Variants in CEP120 observed in about 807,000 individuals in gnomAD.
The protein encoded by CEP120 is centrosomal protein of 120 kDa.
In CEP120, 113 loss-of-function variants were observed where a neutral mutation model predicts 126.5. The ratio of observed to expected loss-of-function variants is 0.89; its 90% CI spans 0.77 to 1.04. The LOEUF (loss-of-function observed/expected upper bound fraction) is 1.04. Ranked by LOEUF, CEP120 falls within the 50% of genes least tolerant of loss-of-function variation. The pLI, the probability that CEP120 is intolerant of heterozygous loss-of-function variation, is 0.00. For synonymous variants in CEP120, 400 were observed against 394.3 expected (o/e 1.01, Z -0.17); for missense variants, 1,230 against 1,155.7 (o/e 1.06, Z -0.93).
intron 18 of CEP120, among the ~76,000 whole-genome samples, chr5:123,350,513 C>T (rs1402481335): frequency 6.6e-6 from 1 of 152,192 alleles, no homozygotes; most frequent in Non-Finnish European, 1.5e-5. Context: ...TATCACAGGA[C>T]AACGGAAGTT....
intron 19 of CEP120, among the ~76,000 whole-genome samples, chr5:123,347,207 A>G (rs1439775580): frequency 1.3e-5 from 2 of 152,172 alleles, no homozygotes; most frequent in Admixed American, 6.6e-5. Context: ...ATTTTTTAAT[A>G]TCATTAAATG....
chr5:123,410,025 T>C (rs537961000), intron 4 of CEP120, among the ~76,000 whole-genome samples: 3 of 131,092 alleles, frequency 2.3e-5, no homozygotes, highest in East Asian at 2.3e-4. Context: ...CAAGTGATTA[T>C]AGCAAGGTTA....
In CEP120 at chr5:123,417,044, T is replaced by C. The variant is rs184249946; in HGVS notation, c.207-920A>G. Among the ~76,000 whole-genome samples, 275 of 152,292 alleles carry C rather than the reference T, an allele frequency of 1.8e-3. 1 individual carries two copies. The Middle Eastern group carries it at 0.02, about 11-fold the overall frequency. ...CACTGCTTTTATCTAGTGGAGTTAT[T>C]ATAGAACTGCACTTAGCACAAAATC... On this transcript the variant is annotated intron_variant, in intron 2 of 19. Transcript: ENST00000306467.
At chr5:123,389,787 ACCGTGCCCAG>A in intron 8 of CEP120, 127 bp downstream of exon 8, 1 of 726,646 alleles carries the variant, frequency 1.4e-6, no homozygotes, top group Non-Finnish European at 2.2e-6. Flanking sequence ...GGCGTGAGCC[ACCGTGCCCAG>A]CCTTATTGGT....
chr5:123,385,223 CA>C, intron 10 of CEP120, 90 bp from the exon 11 acceptor site: 2 of 1,090,150 alleles, frequency 1.8e-6, no homozygotes, highest in Non-Finnish European at 2.6e-6. Context: ...TCAATGGAGT[CA>C]AAGATGTTTT....
In CEP120 at chr5:123,423,104, G is replaced by A. The variant is rs1774830959; in HGVS notation, c.-106C>T. 1.1e-6 allele frequency: 1 copy of A among 913,934 alleles called. No individual in the cohort carries two copies. 56.6% of individuals were successfully genotyped at this position (913,934 alleles called of 1,614,324 possible). A position where few individuals can be genotyped will look rare whatever the true frequency, so the allele number is the denominator to read the frequency against. ...GGCGGGACCCCCACTGCCCGCCCCC[G>A]GTCCCTGATGCCCGGACCCCGCTCC... On this transcript the variant is annotated 5_prime_UTR_variant, in exon 1 of 20. Coordinates refer to ENST00000306467, the MANE Select transcript of CEP120 (RefSeq NM_001375405.1).
rs1398638666 is a variant in CEP120 at position 123,423,212 on chromosome 5, G to C, written c.-214C>G. On this transcript the variant is annotated 5_prime_UTR_variant, in exon 1 of 20. Transcript: ENST00000306467. ...CCAGCCCAGATCCTAACTGTGCCCC[G>C]ACTCAAGGAAAAAGCCACGCTGCAG... The C allele has an allele frequency of 1.8e-6, 1 of 570,318 alleles. No homozygotes were observed. The highest frequency in any genetic ancestry group is 1.9e-5 in the African/African-American group (1 of 52,374). 35.3% of individuals were successfully genotyped at this position (570,318 alleles called of 1,614,324 possible).
chr5:123,408,909 T>C (rs1010984992), intron 4 of CEP120, among the ~76,000 whole-genome samples: 4 of 152,118 alleles, frequency 2.6e-5, no homozygotes, highest in Non-Finnish European at 5.9e-5. Flanking sequence ...TCCATCAGTG[T>C]ATAAAAAGAA....
chr5:123,395,356 T>A (rs1050194250), intron 5 of CEP120, among the ~76,000 whole-genome samples: 6 of 152,206 alleles, frequency 3.9e-5, no homozygotes, highest in Non-Finnish European at 8.8e-5. Flanking sequence ...GCTAAGTCAC[T>A]GATTTGCATC....
At chr5:123,401,199 A>T in intron 4 of CEP120, 15 of 1,612,692 alleles carry the variant, frequency 9.3e-6, no homozygotes, top group Non-Finnish European at 1.3e-5. Context: ...GTCCAGGGCC[A>T]GCCTGACGTT....
chr5:123,398,761 T>C lies in CEP120; in HGVS notation c.612+375A>G, dbSNP rs372745059. 9.9e-5 allele frequency among the ~76,000 whole-genome samples: 15 copies of C among 152,212 alleles called. No homozygotes were observed. The East Asian group carries it at 2.9e-3, about 29-fold the overall frequency. ...AGATAAAATAGAACCCAAAACTCTA[T>C]AGGCATTAAGTATTAGTGGCAGAAA... On this transcript the variant is annotated intron_variant, in intron 5 of 19. Coordinates refer to ENST00000306467, the MANE Select transcript of CEP120 (RefSeq NM_001375405.1).
intron 13 of CEP120, 145 bp downstream of exon 13, chr5:123,382,592 A>T: frequency 1.4e-6 from 1 of 721,252 alleles, no homozygotes; most frequent in East Asian, 3.0e-5. Flanking sequence ...TTTGATTCTC[A>T]AATTTTTTTA....
chr5:123,372,864 T>C (rs1023846673), intron 16 of CEP120, 92 bp from the exon 17 acceptor site: 25 of 979,968 alleles, frequency 2.6e-5, no homozygotes, highest in Middle Eastern at 3.2e-4. Context: ...TTTTTTATTC[T>C]ACAGCATGCT....
rs763397454 is a variant in CEP120 at position 123,350,032 on chromosome 5, T to C, written c.2638A>G (p.Met880Val). The change falls in exon 19 of 20, where the codon ATG becomes GTG. Residue 880 changes from methionine (M) to valine (V), a missense_variant. By Grantham distance (21) the Met-to-Val change is conservative (BLOSUM62 1). Transcript: ENST00000306467. Reference protein sequence around the residue: ...LKKQQEELEQMRLRYLAAEEK... With the variant: ...LKKQQEELEQVRLRYLAAEEK... ...TCAGCGGCAAGGTAACGTAGTCTCATCTGTTCCAATTCTTCCTGCTGTTTT... is the reference window on the plus strand; with the variant it reads ...TCAGCGGCAAGGTAACGTAGTCTCACCTGTTCCAATTCTTCCTGCTGTTTT... The C allele has an allele frequency of 4.3e-6, 7 of 1,613,694 alleles. No homozygotes were observed. In the East Asian group the frequency reaches 1.6e-4, roughly 36 times the overall value.
intron 1 of CEP120, among the ~76,000 whole-genome samples, chr5:123,419,988 T>G (rs1369834821): frequency 6.6e-6 from 1 of 152,206 alleles, no homozygotes; most frequent in African/African-American, 2.4e-5. Flanking sequence ...CTGCTGCTAC[T>G]CACCCTGGTA....
At chr5:123,420,709 A>G (rs1774658412) in intron 1 of CEP120, among the ~76,000 whole-genome samples, 1 of 152,266 alleles carries the variant, frequency 6.6e-6, no homozygotes, top group African/African-American at 2.4e-5. Flanking sequence ...GGAAGAAAAC[A>G]TTGAAGAATC....
intron 18 of CEP120, among the ~76,000 whole-genome samples, chr5:123,353,961 G>T (rs1769384301): frequency 1.3e-5 from 2 of 151,694 alleles, no homozygotes; most frequent in Non-Finnish European, 2.9e-5. Flanking sequence ...TTATTTCCTT[G>T]CTCCCATTTT....
chr5:123,374,306 C>T (rs900177131), intron 16 of CEP120, among the ~76,000 whole-genome samples: 6 of 151,946 alleles, frequency 3.9e-5, no homozygotes, highest in African/African-American at 1.4e-4. Flanking sequence ...AAGTCAGTAG[C>T]GGGGCAAAAA....
chr5:123,389,020 A>G (rs1380732592), intron 8 of CEP120, among the ~76,000 whole-genome samples: 2 of 152,224 alleles, frequency 1.3e-5, no homozygotes, highest in African/African-American at 4.8e-5. Flanking sequence ...AAAATAACAG[A>G]AAGCTAAAAC....
Sources: allele counts gnomAD v4.1 joint callset (sites outside exome capture counted in the v4.1 genomes callset), GRCh38; gene constraint gnomAD v4.1.1; transcripts MANE v1.5; gene names NCBI Gene and HGNC (gene_info 2026-07-23, HGNC 2026-07-21).